GRB10: variants seen among roughly 807,000 people sequenced by gnomAD.
GRB10 encodes the protein growth factor receptor-bound protein 10.
Under a neutral mutation model 80.9 loss-of-function variants are expected in GRB10, and 20 were observed. The ratio of observed to expected loss-of-function variants is 0.25; its 90% CI spans 0.17 to 0.36. The LOEUF is 0.36. Ranked by LOEUF, GRB10 falls within the 10% of genes least tolerant of loss-of-function variation. The pLI, the probability that GRB10 is intolerant of heterozygous loss-of-function variation, is 1.00. For missense variants in GRB10, 548 were observed against 747.7 expected (o/e 0.73, Z 3.12); for synonymous variants, 291 against 291.5 (o/e 1.00, Z 0.02).
intron 1 of GRB10, among the ~76,000 whole-genome samples, chr7:50,788,170 T>A (rs1270144608): frequency 6.6e-6 from 1 of 152,196 alleles, no homozygotes; most frequent in Non-Finnish European, 1.5e-5. Flanking sequence ...TTATAAAGGT[T>A]TTTATACTAA....
intron 7 of GRB10, among the ~76,000 whole-genome samples, chr7:50,641,063 G>A (rs1261910659): frequency 2.6e-5 from 4 of 151,954 alleles, no homozygotes; most frequent in African/African-American, 9.7e-5. Context: ...CCAATCCAGT[G>A]AGCGCCTACC....
rs538993095 is a variant in GRB10, at chr7:50,669,832, T to C, written c.394A>G (p.Thr132Ala). The change falls in exon 7 of 19, where the codon ACC becomes GCC. Residue 132 changes from threonine (T) to alanine (A), a missense_variant. Thr to Ala is a moderately conservative substitution (Grantham distance 58, BLOSUM62 0). Transcript: ENST00000401949. The part of the protein sequence containing the change: ...RLQEEDQQFR[T>A]SSLPAIPNPF... ...TTGGGGATGGCCGGCAGAGATGAGG[T>C]TCTAAACTGCTGGTCTTCCTCCTGA... 10 of 1,613,372 alleles carry C rather than the reference T, an allele frequency of 6.2e-6. No homozygotes were observed. Among genetic ancestry groups the C allele is most frequent in the Non-Finnish European group, 8.5e-6 (10 of 1,179,750 alleles).
chr7:50,681,864 G>A (rs118118709), intron 5 of GRB10, among the ~76,000 whole-genome samples: 2,610 of 152,304 alleles, frequency 0.017, 41 homozygotes, highest in East Asian at 0.048. Context: ...CTGCTTCTGC[G>A]CCTGGTAGGA....
At chr7:50,666,156 A>G (rs1343554969) in intron 7 of GRB10, among the ~76,000 whole-genome samples, 1 of 152,162 alleles carries the variant, frequency 6.6e-6, no homozygotes, top group Non-Finnish European at 1.5e-5. Flanking sequence ...CTTTTGGCAC[A>G]TGCCTGCCAC....
At chr7:50,751,983 T>C (rs963436017) in intron 3 of GRB10, among the ~76,000 whole-genome samples, 43 of 152,330 alleles carry the variant, frequency 2.8e-4, no homozygotes, top group African/African-American at 9.4e-4. Context: ...AAAGACACTT[T>C]ACTTAAATAT....
At chr7:50,772,403 C>T (rs1369782832) in intron 2 of GRB10, among the ~76,000 whole-genome samples, 1 of 152,186 alleles carries the variant, frequency 6.6e-6, no homozygotes, top group African/African-American at 2.4e-5. Flanking sequence ...GAATCATTCC[C>T]GAAACATTCC....
intron 5 of GRB10, among the ~76,000 whole-genome samples, chr7:50,683,424 T>A (rs61250449): frequency 6.6e-6 from 1 of 152,184 alleles, no homozygotes; most frequent in South Asian, 2.1e-4. Flanking sequence ...CTTAATGCCA[T>A]TGAAATGTGC....
At chr7:50,700,822 A>T (rs1377320595) in intron 5 of GRB10, among the ~76,000 whole-genome samples, 2 of 152,244 alleles carry the variant, frequency 1.3e-5, no homozygotes, top group Non-Finnish European at 2.9e-5. Context: ...TGGGTCAAAG[A>T]ACAAGCATGA....
chr7:50,591,311 C>A lies in GRB10; in HGVS notation c.*1641G>T, dbSNP rs2045821836. On this transcript the variant is annotated 3_prime_UTR_variant, in exon 19 of 19. Transcript: ENST00000401949. ...GTAGACTGACTTCCAGCTGACTGGC[C>A]TTACTGAAGCTTGTGACACTGCTCT... 6.6e-6 allele frequency: 1 copy of A among 152,222 alleles called. No individual in the cohort carries two copies. The highest frequency in any genetic ancestry group is 1.5e-5 in the Non-Finnish European group (1 of 68,068). The allele number at this position is 152,222 out of a possible 1,614,324, so 9.4% of individuals were successfully genotyped here.
chr7:50,664,751 G>A (rs1435791695), intron 7 of GRB10, among the ~76,000 whole-genome samples: 1 of 152,070 alleles, frequency 6.6e-6, no homozygotes, highest in Non-Finnish European at 1.5e-5. Flanking sequence ...CAGCCTCTCC[G>A]GCCGGAGCAT....
intron 7 of GRB10, among the ~76,000 whole-genome samples, chr7:50,639,546 G>A (rs970356497): frequency 1.3e-5 from 2 of 152,104 alleles, no homozygotes; most frequent in Non-Finnish European, 1.5e-5. Flanking sequence ...AGTGGCAGGC[G>A]CCTGTAGTCC....
chr7:50,653,673 G>A (rs184245976), intron 7 of GRB10, among the ~76,000 whole-genome samples: 15 of 152,296 alleles, frequency 9.8e-5, no homozygotes, highest in Middle Eastern at 3.4e-3. Flanking sequence ...CACTTCAGCC[G>A]CTGGCCTCCC....
chr7:50,753,642 G>C (rs1481264479), intron 3 of GRB10, among the ~76,000 whole-genome samples: 1 of 152,224 alleles, frequency 6.6e-6, no homozygotes, highest in Non-Finnish European at 1.5e-5. Flanking sequence ...CTGGAGGACA[G>C]AGGAAGCACC....
At chr7:50,720,781 TAA>T (rs778346917) in intron 4 of GRB10, among the ~76,000 whole-genome samples, 19 of 140,658 alleles carry the variant, frequency 1.4e-4, no homozygotes, top group African/African-American at 1.3e-4. Flanking sequence ...AGTACACCAT[TAA>T]AAAAAAAAAA....
rs201634653 is a variant in GRB10, at chr7:50,593,134, C to T, written c.1639-36G>A. On this transcript the variant is annotated intron_variant, in intron 18 of 18. Coordinates refer to ENST00000401949, the MANE Select transcript of GRB10 (RefSeq NM_001350814.2). ...ACAAGAACACTTGCCAGGTTAGAGGCTGCCACCTCAGGGAACAGAACGGGG... is the reference window on the plus strand; with the variant it reads ...ACAAGAACACTTGCCAGGTTAGAGGTTGCCACCTCAGGGAACAGAACGGGG... 4.8e-5 allele frequency: 78 copies of T among 1,613,568 alleles called. No individual in the cohort carries two copies. The East Asian group carries it at 1.7e-3, about 36-fold the overall frequency.
chr7:50,730,929 T>C (rs955717503), intron 4 of GRB10, among the ~76,000 whole-genome samples: 32 of 152,266 alleles, frequency 2.1e-4, no homozygotes, highest in African/African-American at 7.2e-4. Flanking sequence ...GACTGCACTC[T>C]CTTGGGACTG....
intron 2 of GRB10, among the ~76,000 whole-genome samples, chr7:50,773,404 G>A (rs946428560): frequency 1.3e-5 from 1 of 76,002 alleles, no homozygotes; most frequent in African/African-American, 3.4e-5. Context: ...AAGGGAAGGG[G>A]AAGGGGAAGG....
At position 50,743,323 on chromosome 7, in the gene GRB10, T is replaced by C. The variant is rs1413155970; in HGVS notation, c.-46-10955A>G. Reference sequence around the variant, plus strand: ...GCATATTCTATTCAAGCATCTACAGTTCCTTCCACTTCAGTAGTCTGGTCA... The same window carrying C: ...GCATATTCTATTCAAGCATCTACAGCTCCTTCCACTTCAGTAGTCTGGTCA... On this transcript the variant is annotated intron_variant, in intron 3 of 18. Coordinates refer to ENST00000401949, the MANE Select transcript of GRB10 (RefSeq NM_001350814.2). Among the ~76,000 whole-genome samples the C allele has an allele frequency of 2.0e-5, 3 of 152,242 alleles. No homozygotes were observed. The South Asian group carries it at 6.2e-4, about 32-fold the overall frequency.
intron 5 of GRB10, among the ~76,000 whole-genome samples, chr7:50,686,614 T>G (rs962480812): frequency 6.6e-6 from 1 of 152,142 alleles, no homozygotes; most frequent in African/African-American, 2.4e-5. Flanking sequence ...CATGTTTTGA[T>G]TTTTATTGTT....
Sources: allele counts gnomAD v4.1 joint callset (sites outside exome capture counted in the v4.1 genomes callset), GRCh38; gene constraint gnomAD v4.1.1; transcripts MANE v1.5; gene names NCBI Gene and HGNC (gene_info 2026-07-23, HGNC 2026-07-21).